Variants in GRIK5 observed in about 807,000 individuals in gnomAD.
GRIK5 encodes glutamate receptor ionotropic, kainate 5.
GRIK5 carries 43 observed loss-of-function variants against 97.4 expected under a neutral mutation model. That is an observed-to-expected ratio of 0.44 (90% CI 0.35 to 0.57). GRIK5 has a LOEUF of 0.57. Ranked by LOEUF, GRIK5 falls within the 20% of genes least tolerant of loss-of-function variation. The pLI is 0.01. For synonymous variants in GRIK5, 580 were observed against 583.5 expected (o/e 0.99, Z 0.09); for missense variants, 1,015 against 1,382.0 (o/e 0.73, Z 4.21).
chr19:42,012,547 G>A (rs544831440), intron 15 of GRIK5, among the ~76,000 whole-genome samples: 3 of 152,096 alleles, frequency 2.0e-5, no homozygotes, highest in East Asian at 1.9e-4. Flanking sequence ...CACCACGCCC[G>A]GCCAGTTTTC....
At chr19:42,015,132 A>G (rs2146035748) in intron 15 of GRIK5, among the ~76,000 whole-genome samples, 1 of 152,348 alleles carries the variant, frequency 6.6e-6, no homozygotes, top group African/African-American at 2.4e-5. Context: ...TTGTGCGCCT[A>G]ATTACAAAGC....
In GRIK5 at chr19:42,021,293, C is replaced by T. The variant is rs775788571; in HGVS notation, c.1871+8G>A. 1.7e-5 allele frequency: 28 copies of T among 1,609,996 alleles called. No homozygotes were observed. The highest frequency in any genetic ancestry group is 2.3e-5 in the Non-Finnish European group (27 of 1,178,844). ...GCCCCGGGCAGAGGCAGATAGAAAG[C>T]TTCTCACCAGACTCCGCTGACACAG... On this transcript the variant is annotated splice_region_variant and intron_variant, in intron 15 of 19. Transcript: ENST00000593562. This position sits in a 1 kb window ranked among gnomAD's most constrained non-coding sequence, Gnocchi z 4.2.
intron 15 of GRIK5, among the ~76,000 whole-genome samples, chr19:42,008,856 A>G (rs1375162114): frequency 6.6e-6 from 1 of 152,270 alleles, no homozygotes; most frequent in Non-Finnish European, 1.5e-5. Flanking sequence ...GAACTTTTAG[A>G]GAATGATATA....
intron 11 of GRIK5, among the ~76,000 whole-genome samples, chr19:42,049,886 C>T (rs2076089842): frequency 6.6e-6 from 1 of 152,118 alleles, no homozygotes; most frequent in African/African-American, 2.4e-5. Context: ...AGTGTCAACA[C>T]TGATCTAGTC....
intron 15 of GRIK5, among the ~76,000 whole-genome samples, chr19:42,015,859 G>T (rs1032337010): frequency 9.9e-5 from 15 of 152,160 alleles, no homozygotes; most frequent in African/African-American, 3.6e-4. Context: ...AGGAGATGCT[G>T]AAAAGGGCCT....
At chr19:42,033,601 A>G (rs969052503) in intron 12 of GRIK5, among the ~76,000 whole-genome samples, 17 of 152,318 alleles carry the variant, frequency 1.1e-4, no homozygotes, top group African/African-American at 3.6e-4. Flanking sequence ...CTAGATAGCA[A>G]TAGTGATTAC....
chr19:42,054,589 T>A, intron 8 of GRIK5, 117 bp from the exon 9 acceptor site: 2 of 1,161,460 alleles, frequency 1.7e-6, no homozygotes, highest in Non-Finnish European at 2.4e-6. Context: ...TCCCCAGGAA[T>A]GGGAAACTGG....
intron 12 of GRIK5, among the ~76,000 whole-genome samples, chr19:42,034,885 G>T (rs535876283): frequency 1.8e-4 from 27 of 152,234 alleles, no homozygotes; most frequent in Admixed American, 7.8e-4. Flanking sequence ...GGGACAAGGA[G>T]CACCTCTGCT....
At chr19:42,005,299 A>G (rs2075475311) in intron 17 of GRIK5, among the ~76,000 whole-genome samples, 1 of 151,638 alleles carries the variant, frequency 6.6e-6, no homozygotes, top group East Asian at 1.9e-4. Flanking sequence ...AGGCACATAC[A>G]AGTCTCCCTA....
Position 42,065,618 on chromosome 19 carries a change from G to A in GRIK5, c.79+74C>T, listed in dbSNP as rs540152090. 5.0e-5 allele frequency: 62 copies of A among 1,249,098 alleles called. No homozygotes were observed. In the East Asian group the frequency reaches 1.3e-3, roughly 26 times the overall value. The allele number at this position is 1,249,098 out of a possible 1,614,324, so 77.4% of individuals were successfully genotyped here. A position where few individuals can be genotyped will look rare whatever the true frequency, so the allele number is the denominator to read the frequency against. On this transcript the variant is annotated intron_variant, in intron 2 of 19. Transcript: ENST00000593562. The surrounding 1 kb of genome is among the most constrained non-coding windows in gnomAD (Gnocchi z 5.8). ...AGAGAGCTGAGACCTGGACCCTGACGGACTGGCATGCCTGGGTCCCCAGAG... is the reference window on the plus strand; with the variant it reads ...AGAGAGCTGAGACCTGGACCCTGACAGACTGGCATGCCTGGGTCCCCAGAG...
intron 17 of GRIK5, among the ~76,000 whole-genome samples, chr19:42,004,449 C>T (rs1383436708): frequency 6.6e-6 from 1 of 152,154 alleles, no homozygotes; most frequent in South Asian, 2.1e-4. Context: ...ACCAGAGACA[C>T]GGGCAGATGA....
chr19:42,049,931 C>T (rs370386975), intron 11 of GRIK5, among the ~76,000 whole-genome samples: 2 of 151,844 alleles, frequency 1.3e-5, no homozygotes, highest in African/African-American at 2.4e-5. Flanking sequence ...ATTTTATTTA[C>T]GTATTTATTT....
At position 42,065,253 on chromosome 19, in the gene GRIK5, G is replaced by A. The variant is rs201959426; in HGVS notation, c.214C>T (p.Arg72Trp). The change falls in exon 3 of 20, where the codon CGG (arginine) becomes TGG (tryptophan). Residue 72 changes from arginine (R) to tryptophan (W), a missense_variant. Around this residue, in one of 5 missense-constraint regions of GRIK5, gnomAD observed 198 missense variants for 218.2 expected, o/e 0.91. Transcript: ENST00000593562. The surrounding 1 kb of genome is among the most constrained non-coding windows in gnomAD (Gnocchi z 5.8). The stretch of plus-strand genomic sequence containing the variant: ...TCCGTGGTCTCGTACTGGCTGTCCC[G>A]CTGCAGCTCAAAGATGTCTACTTCC... The part of the protein sequence containing the change: ...RVEVDIFELQ[R>W]DSQYETTDTM... 3.7e-5 allele frequency: 59 copies of A among 1,612,810 alleles called. No homozygotes were observed. The East Asian group carries it at 1.0e-3, about 27-fold the overall frequency.
rs752227880 is a variant in GRIK5, at chr19:42,042,645, G to T, written c.1380C>A (p.Phe460Leu). 1.2e-6 allele frequency: 2 copies of T among 1,613,442 alleles called. No individual in the cohort carries two copies. Among genetic ancestry groups the T allele is most frequent in the Non-Finnish European group, 1.7e-6 (2 of 1,179,968 alleles). The change falls in exon 12 of 20, where the codon TTC becomes TTA. Residue 460 changes from phenylalanine (F) to leucine (L), a missense_variant. By Grantham distance (22) the Phe-to-Leu change is conservative. Around this residue, in one of 5 missense-constraint regions of GRIK5, gnomAD observed 477 missense variants for 701.1 expected, o/e 0.68. Coordinates refer to ENST00000593562, the MANE Select transcript of GRIK5 (RefSeq NM_002088.5). The surrounding 1 kb of genome is among the most constrained non-coding windows in gnomAD (Gnocchi z 6.9). ...MLRELAELLR[F>L]RYRLRLVEDG... is the part of the protein sequence containing the mutation. ...CCTCCACCAACCGCAGGCGGTAGCG[G>T]AAGCGCAGCAGCTCGGCCAGCTCCC...
At chr19:42,050,579 AC>A (rs1346820722) in intron 11 of GRIK5, among the ~76,000 whole-genome samples, 1 of 150,030 alleles carries the variant, frequency 6.7e-6, no homozygotes, top group Non-Finnish European at 1.5e-5. Flanking sequence ...AATGGTGTGA[AC>A]CCAGGAGGCG....
chr19:42,046,977 T>A (rs980916365), intron 11 of GRIK5, among the ~76,000 whole-genome samples: 1 of 152,116 alleles, frequency 6.6e-6, no homozygotes, highest in African/African-American at 2.4e-5. Flanking sequence ...AACCTCTGCC[T>A]CCTGGGCTCA....
At chr19:42,044,573 G>A (rs908849262) in intron 11 of GRIK5, among the ~76,000 whole-genome samples, 3 of 152,218 alleles carry the variant, frequency 2.0e-5, no homozygotes, top group Non-Finnish European at 2.9e-5. Context: ...TTGTCTAAAT[G>A]GTTGTTTGTA....
At chr19:42,048,661 C>T (rs909793699) in intron 11 of GRIK5, among the ~76,000 whole-genome samples, 2 of 151,526 alleles carry the variant, frequency 1.3e-5, no homozygotes, top group African/African-American at 2.4e-5. Context: ...AAATAACTCA[C>T]AAATCAATAA....
intron 15 of GRIK5, among the ~76,000 whole-genome samples, chr19:42,013,372 T>G (rs74689061): frequency 0.13 from 19,619 of 150,196 alleles, 1,428 homozygotes; most frequent in Middle Eastern, 0.18. Flanking sequence ...TAAAGATAAA[T>G]ATTTAAAAAC....
Sources: gnomAD v4.1 joint callset for allele counts (sites outside exome capture counted in the v4.1 genomes callset) on GRCh38, gnomAD v4.1.1 for gene constraint, gnomAD v4.1.1 regional missense constraint, Gnocchi (gnomAD v3.1) non-coding constraint, MANE v1.5 for transcripts, NCBI Gene and HGNC (gene_info 2026-07-23, HGNC 2026-07-21) for gene names.